The following BCL7A variants were observed in gnomAD, a reference collection of about 807,000 sequenced individuals.
BCL7A encodes BAF chromatin remodeling complex subunit BCL7A, also known as B-cell CLL/lymphoma 7 protein family member A.
In BCL7A, 11 loss-of-function variants were observed where a neutral mutation model predicts 28.4. That is an observed-to-expected ratio of 0.39 (90% CI 0.24 to 0.64). The LOEUF (loss-of-function observed/expected upper bound fraction) is 0.64, where lower values mean the gene tolerates loss of function less well. Among genes scored for constraint, BCL7A ranks in the 30% least tolerant of loss-of-function variants. The probability of loss-of-function intolerance (pLI) is 0.50; values close to 1 mark genes in which losing one functional copy is unlikely to be tolerated. For synonymous variants in BCL7A, 123 were observed against 103.3 expected (o/e 1.19, Z -1.15); for missense variants, 222 against 274.8 (o/e 0.81, Z 1.36).
intron 1 of BCL7A, among the ~76,000 whole-genome samples, chr12:122,024,542 T>C (rs1007610344): frequency 6.6e-6 from 1 of 150,618 alleles, no homozygotes; most frequent in Non-Finnish European, 1.5e-5. Context: ...AGAAGCCATA[T>C]CTCACCTTCC....
At position 122,044,027 on chromosome 12, in the gene BCL7A, A is replaced by G. The variant is rs1884018390; in HGVS notation, c.413A>G (p.Asp138Gly). The G allele has an allele frequency of 1.9e-6, 3 of 1,613,470 alleles. No individual in the cohort carries two copies. In the African/African-American group the frequency reaches 4.0e-5, roughly 22 times the overall value. ...TEAKVDEAQA[D>G]GKEHPGAEDA... ...GCCAAGGTGGATGAGGCCCAGGCTG[A>G]TGGGAAGGAGCACCCAGGAGCTGAA... The change falls in exon 4 of 6, where the codon GAT becomes GGT. Residue 138 changes from aspartate to glycine, a missense_variant. By Grantham distance (94) the Asp-to-Gly change is moderately conservative. This residue lies in a region of BCL7A where 155 missense variants were observed against 145.7 expected (regional missense o/e 1.06). Transcript: ENST00000261822.
At chr12:122,023,233 T>C (rs1883515817) in intron 1 of BCL7A, among the ~76,000 whole-genome samples, 1 of 152,124 alleles carries the variant, frequency 6.6e-6, no homozygotes, top group African/African-American at 2.4e-5. Context: ...CGCTGCCTGA[T>C]TTCAACTTTA....
chr12:122,034,123 G>A (rs1883797290), intron 2 of BCL7A, among the ~76,000 whole-genome samples: 1 of 141,264 alleles, frequency 7.1e-6, no homozygotes, highest in African/African-American at 2.6e-5. Context: ...TGCACATACA[G>A]AGCATGCACA....
rs1039141961 is a variant in BCL7A, at chr12:122,036,295, G to A, written c.271+868G>A. On this transcript the variant is annotated intron_variant, in intron 3 of 5. Coordinates refer to ENST00000261822, the MANE Select transcript of BCL7A (RefSeq NM_001024808.3). ...ACCTGTAGTCCTGGCTCCTTGGGAG[G>A]CTGAGGTGGGAGGGTCGCTTGAGCC... 2.0e-5 allele frequency among the ~76,000 whole-genome samples: 3 copies of A among 152,140 alleles called. No homozygotes were observed. The South Asian group carries it at 6.2e-4, about 31-fold the overall frequency.
At chr12:122,052,063 C>CG (rs1467832753) in intron 4 of BCL7A, among the ~76,000 whole-genome samples, 1 of 151,718 alleles carries the variant, frequency 6.6e-6, no homozygotes, top group Non-Finnish European at 1.5e-5. Flanking sequence ...TTAGTAGAGA[C>CG]GGGGTTTCAC....
intron 3 of BCL7A, among the ~76,000 whole-genome samples, chr12:122,038,161 G>T (rs1883893243): frequency 6.6e-6 from 1 of 151,898 alleles, no homozygotes; most frequent in African/African-American, 2.4e-5. Context: ...GCCAGGCACA[G>T]TGGCTCACGC....
At chr12:122,032,585 G>C (rs1347186338) in intron 2 of BCL7A, among the ~76,000 whole-genome samples, 1 of 152,198 alleles carries the variant, frequency 6.6e-6, no homozygotes, top group African/African-American at 2.4e-5. Flanking sequence ...GGCAGCTCTA[G>C]GCTTCAAGGG....
At chr12:122,040,796 G>A (rs150428683) in intron 3 of BCL7A, among the ~76,000 whole-genome samples, 1 of 152,100 alleles carries the variant, frequency 6.6e-6, no homozygotes, top group Non-Finnish European at 1.5e-5. Context: ...AGGAGAGGGC[G>A]GTGCCCCGGG....
rs1883586354 is a variant in BCL7A, at chr12:122,025,070, A to C, written c.92+2887A>C. ...AAGGCAGGCCAGTGGAGGTGAGGTG[A>C]CCAGAAGATGGCTAAAGGGAAAACA... On this transcript the variant is annotated intron_variant, in intron 1 of 5. Transcript: ENST00000261822. Among the ~76,000 whole-genome samples the C allele has an allele frequency of 2.6e-5, 4 of 152,018 alleles. No homozygotes were observed. The South Asian group carries it at 8.3e-4, about 32-fold the overall frequency.
chr12:122,026,350 G>A (rs1422369266), intron 1 of BCL7A, among the ~76,000 whole-genome samples: 3 of 152,172 alleles, frequency 2.0e-5, no homozygotes, highest in Admixed American at 2.0e-4. Flanking sequence ...GGCTAAGCCT[G>A]GAGGATCACT....
intron 4 of BCL7A, among the ~76,000 whole-genome samples, chr12:122,051,999 C>T (rs569578319): frequency 6.4e-4 from 97 of 151,454 alleles, no homozygotes; most frequent in Middle Eastern, 3.4e-3. Context: ...CTCAGCCACC[C>T]GAGTAGCTGA....
At chr12:122,058,384 C>T (rs905754788) in intron 5 of BCL7A, among the ~76,000 whole-genome samples, 5 of 151,268 alleles carry the variant, frequency 3.3e-5, no homozygotes, top group African/African-American at 1.2e-4. Flanking sequence ...ATTAGCCAGG[C>T]ATGGTGGTGT....
intron 4 of BCL7A, among the ~76,000 whole-genome samples, chr12:122,044,747 G>A (rs1884036705): frequency 1.3e-5 from 2 of 151,358 alleles, no homozygotes; most frequent in African/African-American, 2.4e-5. Flanking sequence ...TATCCCTTGA[G>A]CTCAGGAGTT....
rs1053235563 is a variant in BCL7A, at chr12:122,057,532, A to AG, written c.562-1553dup. Among the ~76,000 whole-genome samples, 10 of 151,896 alleles carry AG rather than the reference A, an allele frequency of 6.6e-5. No individual in the cohort carries two copies. The East Asian group carries it at 1.4e-3, about 21-fold the overall frequency. ...TCAGCCAGGCCAGAGGCCGGGTTGG[A>AG]GGGGGGGTGCGGGCGGAGAGGTGGC... is the stretch of plus-strand genomic sequence containing the variant. On this transcript the variant is annotated intron_variant, in intron 5 of 5. Transcript: ENST00000261822.
In BCL7A at chr12:122,025,762, A is replaced by G. The variant is rs1038461406; in HGVS notation, c.92+3579A>G. 4.0e-5 allele frequency among the ~76,000 whole-genome samples: 6 copies of G among 151,788 alleles called. No homozygotes were observed. In the South Asian group the frequency reaches 6.2e-4, roughly 16 times the overall value. ...GGAGTTGGAAACCAGCCTGGCCAAC[A>G]TGGTGAAACCCTGTCTCTACTAAAA... On this transcript the variant is annotated intron_variant, in intron 1 of 5. Transcript: ENST00000261822.
intron 3 of BCL7A, among the ~76,000 whole-genome samples, chr12:122,041,663 C>T (rs1310011568): frequency 6.6e-6 from 1 of 152,152 alleles, no homozygotes; most frequent in Non-Finnish European, 1.5e-5. Context: ...ACTCAGGAGG[C>T]AGAGGCAGGA....
rs1883472320 is a variant in BCL7A, at chr12:122,022,068, A to G, written c.-24A>G. The G allele has an allele frequency of 1.3e-6, 2 of 1,534,458 alleles. No homozygotes were observed. Among genetic ancestry groups the G allele is most frequent in the Non-Finnish European group, 8.8e-7 (1 of 1,139,056 alleles). ...GCAGGACCCGGCGGGCGCGCTCCCCAGCCTCCGTCTCCCCGCCGGAACCAT... is the reference window on the plus strand; with the variant it reads ...GCAGGACCCGGCGGGCGCGCTCCCCGGCCTCCGTCTCCCCGCCGGAACCAT... On this transcript the variant is annotated 5_prime_UTR_variant, in exon 1 of 6. Coordinates refer to ENST00000261822, the MANE Select transcript of BCL7A (RefSeq NM_001024808.3).
At chr12:122,024,339 T>A (rs1883562794) in intron 1 of BCL7A, among the ~76,000 whole-genome samples, 1 of 152,212 alleles carries the variant, frequency 6.6e-6, no homozygotes, top group African/African-American at 2.4e-5. Flanking sequence ...TCCCCTCGGG[T>A]TATTGAGGAC....
At chr12:122,044,862 A>G (rs1235952406) in intron 4 of BCL7A, among the ~76,000 whole-genome samples, 1 of 152,198 alleles carries the variant, frequency 6.6e-6, no homozygotes, top group South Asian at 2.1e-4. Flanking sequence ...AAATGTATTT[A>G]AAAATCAGAC....
Sources: allele counts gnomAD v4.1 joint callset (sites outside exome capture counted in the v4.1 genomes callset), GRCh38; gene constraint gnomAD v4.1.1; regional missense constraint gnomAD v4.1.1; transcripts MANE v1.5; gene names NCBI Gene and HGNC (gene_info 2026-07-23, HGNC 2026-07-21).